NAT10: variants seen among roughly 807,000 people sequenced by gnomAD.
The protein encoded by NAT10 is RNA cytidine acetyltransferase.
In NAT10, 109 loss-of-function variants were observed where a neutral mutation model predicts 132.2. That is an observed-to-expected ratio of 0.82 (90% CI 0.71 to 0.97). The LOEUF is 0.97. Ranked by LOEUF, NAT10 falls within the 50% of genes least tolerant of loss-of-function variation. The probability of loss-of-function intolerance (pLI) is 0.00; values close to 1 mark genes in which losing one functional copy is unlikely to be tolerated. For synonymous variants in NAT10, 479 were observed against 478.0 expected, an observed-to-expected ratio of 1.00 and a Z score of -0.03; for missense variants, 1,184 against 1,263.4, an observed-to-expected ratio of 0.94 and a Z score of 0.95.
At position 34,137,189 on chromosome 11, in the gene NAT10, C is replaced by T. The variant is rs116986256; in HGVS notation, c.2211+163C>T. On this transcript the variant is annotated intron_variant, in intron 21 of 28. Coordinates refer to ENST00000257829, the MANE Select transcript of NAT10 (RefSeq NM_024662.3). ...TGATGGACATGGAAACAGCCATCCT[C>T]AGTGACAGGCCACATCATCACACAT... is the stretch of plus-strand genomic sequence containing the variant. 5.5e-3 allele frequency among the ~76,000 whole-genome samples: 841 copies of T among 152,334 alleles called. 6 individuals are homozygous for T. Among genetic ancestry groups the T allele is most frequent in the Non-Finnish European group, 7.2e-3 (493 of 68,034 alleles).
chr11:34,141,833 T>C lies in NAT10; in HGVS notation c.2811+16T>C, dbSNP rs1590193644. On this transcript the variant is annotated intron_variant, in intron 26 of 28. Coordinates refer to ENST00000257829, the MANE Select transcript of NAT10 (RefSeq NM_024662.3). ...TGACGACCTAGTATGTCCCTGCTCA[T>C]GGCCTCGGGAGTCCCAGCATTTCCA... 4 of 1,605,516 alleles carry C rather than the reference T, an allele frequency of 2.5e-6. No individual in the cohort carries two copies. Among genetic ancestry groups the C allele is most frequent in the Non-Finnish European group, 3.4e-6 (4 of 1,173,364 alleles).
At chr11:34,112,740 G>C (rs1389806703) in intron 4 of NAT10, among the ~76,000 whole-genome samples, 1 of 152,138 alleles carries the variant, frequency 6.6e-6, no homozygotes, top group Non-Finnish European at 1.5e-5. Flanking sequence ...TTTCTGCACT[G>C]GTGTGTATTC....
intron 5 of NAT10, among the ~76,000 whole-genome samples, chr11:34,115,526 G>A (rs1373083518): frequency 6.6e-6 from 1 of 152,152 alleles, no homozygotes; most frequent in Non-Finnish European, 1.5e-5. Flanking sequence ...GTCATGCTTT[G>A]TTCATTAGTG....
At chr11:34,146,020 A>T in intron 28 of NAT10, 64 bp from the exon 29 acceptor site, 2 of 1,186,282 alleles carry the variant, frequency 1.7e-6, no homozygotes, top group Non-Finnish European at 2.4e-6. Flanking sequence ...AAGCAAGCTT[A>T]AAGCAGTCTC....
intron 1 of NAT10, among the ~76,000 whole-genome samples, chr11:34,106,857 T>C (rs918541135): frequency 6.6e-6 from 1 of 152,214 alleles, no homozygotes; most frequent in African/African-American, 2.4e-5. Flanking sequence ...AGTTAAGGTA[T>C]GGTAAGTTTC....
intron 27 of NAT10, 75 bp downstream of exon 27, chr11:34,142,423 T>C (rs1315499248): frequency 4.6e-6 from 6 of 1,317,402 alleles, no homozygotes; most frequent in Admixed American, 3.6e-5. Flanking sequence ...TTTCTTCTAA[T>C]CATATCCCAC....
At chr11:34,140,038 T>C (rs1348369644) in intron 23 of NAT10, among the ~76,000 whole-genome samples, 1 of 152,248 alleles carries the variant, frequency 6.6e-6, no homozygotes, top group African/African-American at 2.4e-5. Flanking sequence ...GAGAAATCCG[T>C]ATATCTTGAG....
At chr11:34,141,408 T>TCACACACA (rs59489457) in intron 25 of NAT10, among the ~76,000 whole-genome samples, 200 bp downstream of exon 25, 105 of 132,960 alleles carry the variant, frequency 7.9e-4, no homozygotes, top group African/African-American at 2.8e-3. Context: ...TCATCACACA[T>TCACACACA]CACACACACA....
intron 11 of NAT10, 82 bp from the exon 12 acceptor site, chr11:34,127,381 C>T: frequency 7.3e-7 from 1 of 1,368,396 alleles, no homozygotes; most frequent in East Asian, 2.5e-5. Flanking sequence ...GGAAAGAGAA[C>T]ATCCTTTATG....
chr11:34,139,260 G>C lies in NAT10; in HGVS notation c.2281G>C (p.Gly761Arg). 4 of 1,614,162 alleles carry C rather than the reference G, an allele frequency of 2.5e-6. No homozygotes were observed. Among genetic ancestry groups the C allele is most frequent in the Non-Finnish European group, 3.4e-6 (4 of 1,180,020 alleles). ...TLTDEDEADQ[G>R]GWLAAFWKDF... ...CACTGATGAGGATGAGGCTGACCAG[G>C]GAGGCTGGCTTGCAGCCTTCTGGAA... is the stretch of plus-strand genomic sequence containing the variant. Residue 761 changes from glycine to arginine, a missense_variant, in exon 22 of 29, where the codon GGA becomes CGA. Coordinates refer to ENST00000257829, the MANE Select transcript of NAT10 (RefSeq NM_024662.3).
chr11:34,111,946 A>G, intron 3 of NAT10, 106 bp from the exon 4 acceptor site: 4 of 1,337,968 alleles, frequency 3.0e-6, no homozygotes, highest in East Asian at 2.4e-5. Flanking sequence ...GTTCCCTACT[A>G]GCTCTGAAAG....
chr11:34,145,999 T>A, intron 28 of NAT10, 85 bp from the exon 29 acceptor site: 1 of 998,310 alleles, frequency 1.0e-6, no homozygotes, highest in Middle Eastern at 2.1e-4. Context: ...GAAACCCTTT[T>A]TGACAAAGCA....
chr11:34,136,534 C>T (rs542253545), intron 19 of NAT10, 108 bp from the exon 20 acceptor site: 2 of 1,337,724 alleles, frequency 1.5e-6, no homozygotes, highest in African/African-American at 1.5e-5. Flanking sequence ...CAAGAAACCT[C>T]TCCCAGTTTT....
intron 15 of NAT10, 144 bp from the exon 16 acceptor site, chr11:34,132,882 A>G (rs1340911984): frequency 9.9e-6 from 7 of 705,578 alleles, no homozygotes; most frequent in Non-Finnish European, 1.8e-5. Context: ...CCAAAATACT[A>G]GAAAGGTGCT....
chr11:34,114,678 C>T (rs1851754713), intron 5 of NAT10, among the ~76,000 whole-genome samples: 2 of 152,190 alleles, frequency 1.3e-5, no homozygotes, highest in African/African-American at 4.8e-5. Context: ...TGGCTCGCTT[C>T]CTCATTGCAT....
In NAT10 at chr11:34,122,180, A is replaced by C. The variant is rs112482477; in HGVS notation, c.781-279A>C. ...AACAAGAGTGAAACTCCATCTCAGA[A>C]GGAAAAAAAAAGTCTGATGTGCAGG... is the stretch of plus-strand genomic sequence containing the variant. On this transcript the variant is annotated intron_variant, in intron 8 of 28. Coordinates refer to ENST00000257829, the MANE Select transcript of NAT10 (RefSeq NM_024662.3). Among the ~76,000 whole-genome samples the C allele has an allele frequency of 6.1e-3, 931 of 152,256 alleles. 13 individuals carry two copies. The highest frequency in any genetic ancestry group is 0.021 in the African/African-American group (886 of 41,544).
intron 9 of NAT10, among the ~76,000 whole-genome samples, chr11:34,123,309 G>T (rs1851928630): frequency 6.6e-6 from 1 of 152,224 alleles, no homozygotes; most frequent in South Asian, 2.1e-4. Flanking sequence ...TGCTGCTCTA[G>T]CTGTAACAGT....
rs1196989518 is a variant in NAT10, at chr11:34,130,794, C to T, written c.1245-19C>T. 2 of 1,613,634 alleles carry T rather than the reference C, an allele frequency of 1.2e-6. No homozygotes were observed. Among genetic ancestry groups the T allele is most frequent in the East Asian group, 2.2e-5 (1 of 44,870 alleles). On this transcript the variant is annotated intron_variant, in intron 12 of 28. Coordinates refer to ENST00000257829, the MANE Select transcript of NAT10 (RefSeq NM_024662.3). ...GGATTTGGGACCTTGTGCCTGATTC[C>T]TTTTGCCTTTGTTTCTAGCTATGAG...
At chr11:34,141,663 G>A in intron 25 of NAT10, 56 bp from the exon 26 acceptor site, 1 of 1,522,566 alleles carries the variant, frequency 6.6e-7, no homozygotes, top group Non-Finnish European at 9.1e-7. Flanking sequence ...GGTCACGGGT[G>A]ACTGGGTCCC....
Sources: gnomAD v4.1 joint callset for allele counts (sites outside exome capture counted in the v4.1 genomes callset) on GRCh38, gnomAD v4.1.1 for gene constraint, MANE v1.5 for transcripts, NCBI Gene and HGNC (gene_info 2026-07-23, HGNC 2026-07-21) for gene names.